The following ATP9B variants were observed in gnomAD, a reference collection of about 807,000 sequenced individuals.
The protein encoded by ATP9B is probable phospholipid-transporting ATPase IIB.
Under a neutral mutation model 146.1 loss-of-function variants are expected in ATP9B, and 110 were observed. The ratio of observed to expected loss-of-function variants is 0.75; its 90% confidence interval spans 0.65 to 0.88. The LOEUF (loss-of-function observed/expected upper bound fraction) is 0.88, where lower values mean the gene tolerates loss of function less well. ATP9B is among the 40% of genes least tolerant of loss of function. ATP9B has a pLI of 0.00. For missense variants in ATP9B, 1,499 were observed against 1,496.4 expected (o/e 1.00, Z -0.03); for synonymous variants, 604 against 569.7 (o/e 1.06, Z -0.86).
rs866365629 is a variant in ATP9B, at chr18:79,326,951, G to A, written c.1774-2190G>A. Among the ~76,000 whole-genome samples, 12 of 152,130 alleles carry A rather than the reference G, an allele frequency of 7.9e-5. No homozygotes were observed. The South Asian group carries it at 1.0e-3, about 13-fold the overall frequency. On this transcript the variant is annotated intron_variant, in intron 15 of 29. Transcript: ENST00000426216. ...TTGCTGCAGCTCTGAGTGGTGCCTC[G>A]GCACGGCCATTCTGTAGACAAGGAC...
At chr18:79,201,894 T>C (rs1235806624) in intron 9 of ATP9B, among the ~76,000 whole-genome samples, 1 of 152,076 alleles carries the variant, frequency 6.6e-6, no homozygotes, top group Non-Finnish European at 1.5e-5. Flanking sequence ...TTTTTTTAAT[T>C]AGCCTAGTGG....
intron 11 of ATP9B, among the ~76,000 whole-genome samples, chr18:79,225,657 C>T (rs538337621): frequency 4.0e-5 from 6 of 148,476 alleles, no homozygotes; most frequent in East Asian, 2.0e-4. Flanking sequence ...AGTCGCAGGG[C>T]GGCCACTGTC....
At chr18:79,332,179 C>G (rs1401815351) in intron 17 of ATP9B, among the ~76,000 whole-genome samples, 2 of 152,218 alleles carry the variant, frequency 1.3e-5, no homozygotes, top group Non-Finnish European at 2.9e-5. Context: ...CCTGTAATGC[C>G]AGCACTTTGG....
At chr18:79,294,133 G>A (rs578071062) in intron 13 of ATP9B, among the ~76,000 whole-genome samples, 4 of 152,340 alleles carry the variant, frequency 2.6e-5, no homozygotes, top group East Asian at 1.9e-4. Context: ...TCTAGAAAGA[G>A]TCTGTGAATG....
intron 15 of ATP9B, among the ~76,000 whole-genome samples, chr18:79,321,898 A>T (rs1370542457): frequency 6.6e-6 from 1 of 152,230 alleles, no homozygotes; most frequent in Non-Finnish European, 1.5e-5. Context: ...GATGCAATTT[A>T]CAGGTCAAAA....
intron 9 of ATP9B, among the ~76,000 whole-genome samples, chr18:79,199,003 G>A (rs1274627682): frequency 6.6e-6 from 1 of 151,900 alleles, no homozygotes; most frequent in Non-Finnish European, 1.5e-5. Context: ...CCAGGATGGA[G>A]TGCAGTGGCG....
At chr18:79,230,656 T>C (rs1212515955) in intron 11 of ATP9B, among the ~76,000 whole-genome samples, 1 of 151,832 alleles carries the variant, frequency 6.6e-6, no homozygotes, top group Non-Finnish European at 1.5e-5. Flanking sequence ...CCAAAAGTAA[T>C]CTACAAATTC....
chr18:79,295,503 T>C (rs556958959), intron 13 of ATP9B, among the ~76,000 whole-genome samples: 4 of 152,366 alleles, frequency 2.6e-5, no homozygotes, highest in African/African-American at 9.6e-5. Context: ...ACATGGTGTT[T>C]AAAGAATAAT....
At chr18:79,324,081 G>A (rs780602381) in intron 15 of ATP9B, among the ~76,000 whole-genome samples, 23 of 152,136 alleles carry the variant, frequency 1.5e-4, no homozygotes, top group Non-Finnish European at 2.6e-4. Context: ...CCTGTTGGCC[G>A]TTTGTGTGTC....
chr18:79,328,997 C>G, intron 15 of ATP9B, 144 bp from the exon 16 acceptor site: 1 of 720,240 alleles, frequency 1.4e-6, no homozygotes, highest in Non-Finnish European at 2.1e-6. Context: ...ATATACTTAG[C>G]CGTGAAAACA....
At chr18:79,306,118 A>G (rs927072670) in intron 14 of ATP9B, among the ~76,000 whole-genome samples, 5 of 152,188 alleles carry the variant, frequency 3.3e-5, no homozygotes, top group Admixed American at 3.3e-4. Context: ...ACAGCACTGT[A>G]ATTTGATGGG....
chr18:79,353,266 C>T (rs2096931863), intron 25 of ATP9B: 1 of 152,294 alleles, frequency 6.6e-6, no homozygotes, highest in Non-Finnish European at 1.5e-5. Context: ...CCTCAGTGTT[C>T]ACCCAGGAAA....
In ATP9B at chr18:79,103,158, G is replaced by A. The variant is rs547426873; in HGVS notation, c.293+6509G>A. ...TTGTGCAGTAGCGAGAAGGGTCACC[G>A]TCACCTTGTTCTTTCCCAGGTGGGA... On this transcript the variant is annotated intron_variant, in intron 2 of 29. Coordinates refer to ENST00000426216, the MANE Select transcript of ATP9B (RefSeq NM_198531.5). Among the ~76,000 whole-genome samples the A allele has an allele frequency of 3.0e-4, 46 of 152,236 alleles. 1 individual carries two copies. The South Asian group carries it at 8.7e-3, about 29-fold the overall frequency.
At chr18:79,200,756 T>A (rs2095472592) in intron 9 of ATP9B, among the ~76,000 whole-genome samples, 1 of 152,210 alleles carries the variant, frequency 6.6e-6, no homozygotes, top group African/African-American at 2.4e-5. Context: ...GAGGTGGAGG[T>A]GGGAACGTTG....
At chr18:79,197,893 C>T (rs1037173365) in intron 9 of ATP9B, among the ~76,000 whole-genome samples, 8 of 152,098 alleles carry the variant, frequency 5.3e-5, no homozygotes, top group African/African-American at 1.4e-4. Flanking sequence ...TCTACGAGAA[C>T]GGATTTTTTC....
At chr18:79,199,434 T>A (rs1183913526) in intron 9 of ATP9B, among the ~76,000 whole-genome samples, 1 of 152,192 alleles carries the variant, frequency 6.6e-6, no homozygotes, top group Non-Finnish European at 1.5e-5. Flanking sequence ...TTTTAGTTTT[T>A]AAAAATTTTA....
chr18:79,349,969 C>G (rs1459336651), intron 25 of ATP9B, among the ~76,000 whole-genome samples: 1 of 147,796 alleles, frequency 6.8e-6, no homozygotes, highest in Admixed American at 6.7e-5. Context: ...TATTCTCCTG[C>G]GTGCTCTACA....
chr18:79,295,453 G>C (rs923243713), intron 13 of ATP9B, among the ~76,000 whole-genome samples: 13 of 152,172 alleles, frequency 8.5e-5, no homozygotes, highest in African/African-American at 2.9e-4. Flanking sequence ...TTGGCCAACT[G>C]TATAAGTGAA....
intron 26 of ATP9B, among the ~76,000 whole-genome samples, chr18:79,370,196 G>A (rs1389787439): frequency 1.3e-5 from 2 of 152,170 alleles, no homozygotes; most frequent in East Asian, 3.8e-4. Context: ...ATATTTAATG[G>A]TAAATATAAC....
Sources: gnomAD v4.1 joint callset for allele counts (sites outside exome capture counted in the v4.1 genomes callset) on GRCh38, gnomAD v4.1.1 for gene constraint, MANE v1.5 for transcripts, NCBI Gene and HGNC (gene_info 2026-07-23, HGNC 2026-07-21) for gene names.